The following DNAH14 variants were observed in gnomAD, a reference collection of about 807,000 sequenced individuals.
DNAH14 encodes axonemal beta dynein heavy chain 14.
A neutral mutation model predicts 520.9 loss-of-function variants in DNAH14; 478 were observed. The observed-to-expected ratio is 0.92, with a 90% CI of 0.85 to 0.99. The LOEUF (loss-of-function observed/expected upper bound fraction) is 0.99, where lower values mean the gene tolerates loss of function less well. DNAH14 is among the 50% of genes least tolerant of loss of function. DNAH14 has a pLI of 0.00. For synonymous variants in DNAH14, 1,581 were observed against 1,757.2 expected (o/e 0.90, Z 2.51); for missense variants, 4,831 against 5,234.5 (o/e 0.92, Z 2.38).
chr1:225,073,134 C>G (rs2071754389), intron 17 of DNAH14, among the ~76,000 whole-genome samples: 1 of 152,130 alleles, frequency 6.6e-6, no homozygotes, highest in Non-Finnish European at 1.5e-5. Flanking sequence ...GTGGTGGTAG[C>G]CAGAGACCCC....
chr1:224,936,654 A>G (rs1368629310), intron 1 of DNAH14, among the ~76,000 whole-genome samples: 2 of 151,876 alleles, frequency 1.3e-5, no homozygotes, highest in Non-Finnish European at 3.0e-5. Flanking sequence ...AGAATAACTA[A>G]TACTAATCCT....
At chr1:225,187,280 A>G (rs1008926709) in intron 37 of DNAH14, among the ~76,000 whole-genome samples, 5 of 151,800 alleles carry the variant, frequency 3.3e-5, no homozygotes, top group African/African-American at 1.2e-4. Flanking sequence ...TCACCCCAGG[A>G]GAACACCCCT....
At chr1:225,344,404 T>G (rs372893725) in intron 69 of DNAH14, among the ~76,000 whole-genome samples, 1 of 152,172 alleles carries the variant, frequency 6.6e-6, no homozygotes. Context: ...AATCGGTTCC[T>G]GTATCTGTTG....
intron 49 of DNAH14, among the ~76,000 whole-genome samples, chr1:225,267,671 C>T (rs1374076284): frequency 6.6e-6 from 1 of 152,042 alleles, no homozygotes; most frequent in Non-Finnish European, 1.5e-5. Flanking sequence ...AAATCATAAG[C>T]CCTATATTTC....
intron 68 of DNAH14, among the ~76,000 whole-genome samples, chr1:225,339,105 T>C (rs577462549): frequency 2.7e-5 from 4 of 147,444 alleles, no homozygotes; most frequent in Non-Finnish European, 5.9e-5. Context: ...GAGACAAGCC[T>C]GACCAACATG....
intron 8 of DNAH14, among the ~76,000 whole-genome samples, chr1:224,995,433 T>G (rs553616800): frequency 6.6e-6 from 1 of 152,138 alleles, no homozygotes; most frequent in Admixed American, 6.6e-5. Flanking sequence ...ACTGGGATTT[T>G]TTTTTGTATA....
intron 26 of DNAH14, among the ~76,000 whole-genome samples, chr1:225,122,568 T>C (rs894654157): frequency 2.0e-5 from 3 of 152,164 alleles, no homozygotes; most frequent in African/African-American, 7.2e-5. Context: ...GTTTGAGAGA[T>C]GTATAGCAAT....
At position 225,080,609 on chromosome 1, in the gene DNAH14, G is replaced by GA; in HGVS notation, c.3003dup (p.Leu1002ThrfsTer18). On this transcript the variant is annotated frameshift_variant, in exon 19 of 86. Transcript: ENST00000682510. LOFTEE classifies it high-confidence loss of function. Reference sequence around the variant, plus strand: ...ACATTGAAGGTGACTTGACTTTGAGGAAAAAACTATGGGAAGCACAAGAGG... The same window carrying GA: ...ACATTGAAGGTGACTTGACTTTGAGGAAAAAAACTATGGGAAGCACAAGAGG... 5.8e-6 allele frequency: 9 copies of GA among 1,551,992 alleles called. No homozygotes were observed. The highest frequency in any genetic ancestry group is 7.8e-6 in the Non-Finnish European group (9 of 1,147,066).
At chr1:225,118,763 A>G (rs186447030) in intron 25 of DNAH14, among the ~76,000 whole-genome samples, 2 of 152,048 alleles carry the variant, frequency 1.3e-5, no homozygotes, top group African/African-American at 4.8e-5. Context: ...GGCACCTGTA[A>G]TCCCAGCTAC....
chr1:225,070,053 T>C (rs187257802), intron 17 of DNAH14, among the ~76,000 whole-genome samples: 92 of 152,256 alleles, frequency 6.0e-4, no homozygotes, highest in African/African-American at 2.2e-3. Flanking sequence ...AGTGATAATA[T>C]CTCACTTGTT....
chr1:225,213,874 C>T (rs1574036522), intron 41 of DNAH14, among the ~76,000 whole-genome samples: 1 of 152,180 alleles, frequency 6.6e-6, no homozygotes, highest in African/African-American at 2.4e-5. Flanking sequence ...TTGACTTCCT[C>T]TTTTCCTAAT....
intron 42 of DNAH14, among the ~76,000 whole-genome samples, chr1:225,237,622 T>C (rs1164653448): frequency 2.6e-5 from 4 of 152,208 alleles, no homozygotes; most frequent in African/African-American, 9.6e-5. Context: ...TTACTGGGTT[T>C]CTCTGCATTT....
At chr1:225,072,776 G>A (rs539210016) in intron 17 of DNAH14, among the ~76,000 whole-genome samples, 1 of 152,214 alleles carries the variant, frequency 6.6e-6, no homozygotes, top group South Asian at 2.1e-4. Context: ...GTATGCTGGG[G>A]GTCCACTGCA....
rs765238458 is a variant in DNAH14 at position 225,170,699 on chromosome 1, C to G, written c.5535+2671C>G. Among the ~76,000 whole-genome samples, 4 of 152,168 alleles carry G rather than the reference C, an allele frequency of 2.6e-5. No homozygotes were observed. The South Asian group carries it at 8.3e-4, about 32-fold the overall frequency. On this transcript the variant is annotated intron_variant, in intron 36 of 85. Coordinates refer to ENST00000682510, the MANE Select transcript of DNAH14 (RefSeq NM_001367479.1). The stretch of plus-strand genomic sequence containing the variant: ...ACTTTAATACCCCACTGTCAACATT[C>G]GACAGATCAATGAGACAAAAAGTTA...
chr1:225,303,407 C>T, intron 57 of DNAH14, 60 bp downstream of exon 57: 2 of 1,424,886 alleles, frequency 1.4e-6, no homozygotes, highest in Non-Finnish European at 1.9e-6. Context: ...GGTATTATGC[C>T]TCTGAAGAGC....
chr1:225,296,811 C>T (rs1278759355), intron 55 of DNAH14, among the ~76,000 whole-genome samples: 1 of 152,126 alleles, frequency 6.6e-6, no homozygotes, highest in Non-Finnish European at 1.5e-5. Context: ...TCATCCTATT[C>T]TCTCCTGTCC....
chr1:224,963,509 G>A (rs764614964), intron 4 of DNAH14, among the ~76,000 whole-genome samples: 3 of 151,692 alleles, frequency 2.0e-5, no homozygotes, highest in Non-Finnish European at 2.9e-5. Flanking sequence ...TTGAATAATC[G>A]CTCTGTTGAT....
In DNAH14 at chr1:225,145,396, T is replaced by A. The variant is rs973084051; in HGVS notation, c.4794+17T>A. On this transcript the variant is annotated intron_variant, in intron 30 of 85. Coordinates refer to ENST00000682510, the MANE Select transcript of DNAH14 (RefSeq NM_001367479.1). ...GATTATAAGGTAAACCTTAAACATA[T>A]GTGTCAGGAAGAAATATTGTACACA... is the stretch of plus-strand genomic sequence containing the variant. The A allele has an allele frequency of 6.5e-7, 1 of 1,528,456 alleles. No homozygotes were observed. The highest frequency in any genetic ancestry group is 2.1e-5 in the Admixed American group (1 of 48,688). The allele number at this position is 1,528,456 out of a possible 1,614,324, so 94.7% of individuals were successfully genotyped here. A position where few individuals can be genotyped will look rare whatever the true frequency, so the allele number is the denominator to read the frequency against.
chr1:225,229,931 A>G (rs2090940505), intron 41 of DNAH14, among the ~76,000 whole-genome samples: 1 of 152,132 alleles, frequency 6.6e-6, no homozygotes, highest in African/African-American at 2.4e-5. Context: ...ATAAAAATGT[A>G]TATATTTTTT....
Sources: gnomAD v4.1 joint callset for allele counts (sites outside exome capture counted in the v4.1 genomes callset) on GRCh38, gnomAD v4.1.1 for gene constraint, MANE v1.5 for transcripts, NCBI Gene and HGNC (gene_info 2026-07-23, HGNC 2026-07-21) for gene names.